RALGPS1: variants seen among roughly 807,000 people sequenced by gnomAD.
RALGPS1 encodes the protein ras-specific guanine nucleotide-releasing factor RalGPS1.
A neutral mutation model predicts 78.8 loss-of-function variants in RALGPS1; 19 were observed. That is an observed-to-expected ratio of 0.24 (90% CI 0.17 to 0.35). The LOEUF (loss-of-function observed/expected upper bound fraction) is 0.35. RALGPS1 is among the 10% of genes least tolerant of loss of function. RALGPS1 has a pLI of 1.00. For synonymous variants in RALGPS1, 228 were observed against 256.3 expected (o/e 0.89, Z 1.06); for missense variants, 454 against 688.3 (o/e 0.66, Z 3.81).
intron 1 of RALGPS1, among the ~76,000 whole-genome samples, chr9:126,957,340 C>G (rs192316731): frequency 1.3e-5 from 2 of 151,462 alleles, no homozygotes; most frequent in Admixed American, 6.6e-5. Flanking sequence ...CAAGGCCTCT[C>G]GTTTGGGCCA....
At chr9:127,101,907 A>AT (rs949240003) in intron 8 of RALGPS1, among the ~76,000 whole-genome samples, 15 of 151,578 alleles carry the variant, frequency 9.9e-5, no homozygotes, top group African/African-American at 1.9e-4. Context: ...AAAGTAACTT[A>AT]TTTTTTTTTA....
intron 8 of RALGPS1, among the ~76,000 whole-genome samples, chr9:127,144,067 G>A (rs1392934162): frequency 2.0e-5 from 3 of 152,202 alleles, no homozygotes; most frequent in African/African-American, 7.2e-5. Context: ...CGTTGTTGGT[G>A]CTGAAGCCTG....
intron 4 of RALGPS1, chr9:126,989,772 C>G (rs1360575596): frequency 7.3e-7 from 1 of 1,378,234 alleles, no homozygotes; most frequent in African/African-American, 1.5e-5. Context: ...AGATAAAATA[C>G]ATATTCCTGT....
chr9:127,103,425 G>C (rs534112580), intron 8 of RALGPS1, among the ~76,000 whole-genome samples: 21 of 152,324 alleles, frequency 1.4e-4, no homozygotes, highest in Non-Finnish European at 7.3e-5. Context: ...CATTTATACA[G>C]TCAGGGCTAA....
At chr9:127,092,051 C>A (rs1173548199) in intron 8 of RALGPS1, 16 of 1,366,258 alleles carry the variant, frequency 1.2e-5, no homozygotes, top group Non-Finnish European at 9.0e-6. Context: ...ACAAGCAGAG[C>A]ATGAAGCAGA....
intron 4 of RALGPS1, among the ~76,000 whole-genome samples, chr9:127,014,533 TG>T (rs908746321): frequency 2.0e-5 from 3 of 152,106 alleles, no homozygotes; most frequent in African/African-American, 7.2e-5. Flanking sequence ...TTAACTGGGA[TG>T]GGGGAGAAGA....
chr9:127,172,261 C>T lies in RALGPS1; in HGVS notation c.843-2454C>T, dbSNP rs114550844. ...CCTCCTTTGTTTCTCTCCCTCAGCA[C>T]TGCAGGCCGTGTGCCGTTGCCTCTG... On this transcript the variant is annotated intron_variant, in intron 10 of 18. Transcript: ENST00000259351. Among the ~76,000 whole-genome samples the T allele has an allele frequency of 7.5e-3, 1,147 of 152,356 alleles. 15 individuals are homozygous for T. Among genetic ancestry groups the T allele is most frequent in the African/African-American group, 0.027 (1,112 of 41,576 alleles).
chr9:126,953,100 T>C (rs1021083836), intron 1 of RALGPS1, among the ~76,000 whole-genome samples: 2 of 152,198 alleles, frequency 1.3e-5, no homozygotes, highest in African/African-American at 4.8e-5. Flanking sequence ...TTTCTTGGTT[T>C]CCTGAACCTG....
intron 7 of RALGPS1, among the ~76,000 whole-genome samples, chr9:127,054,995 T>TAGAGAGAG (rs1564495128): frequency 4.5e-5 from 3 of 66,078 alleles, no homozygotes; most frequent in Admixed American, 3.1e-4. Flanking sequence ...GAGAGATTGA[T>TAGAGAGAG]TGAGAGAGAG....
intron 4 of RALGPS1, among the ~76,000 whole-genome samples, chr9:127,028,435 T>C (rs2046142918): frequency 6.6e-6 from 1 of 152,234 alleles, no homozygotes; most frequent in Non-Finnish European, 1.5e-5. Flanking sequence ...TCTGTGAGGA[T>C]AAAATGAGAT....
intron 1 of RALGPS1, among the ~76,000 whole-genome samples, chr9:126,922,935 T>C (rs2034911495): frequency 6.6e-6 from 1 of 152,186 alleles, no homozygotes; most frequent in African/African-American, 2.4e-5. Context: ...AGAATATGCT[T>C]TCTAGGGTAA....
Position 127,091,923 on chromosome 9 carries a change from A to G in RALGPS1, c.610+22567A>G. The G allele has an allele frequency of 6.2e-7, 1 of 1,614,108 alleles. No individual in the cohort carries two copies. Among genetic ancestry groups the G allele is most frequent in the Non-Finnish European group, 8.5e-7 (1 of 1,180,010 alleles). On this transcript the variant is annotated intron_variant, in intron 8 of 18. Transcript: ENST00000259351. The surrounding 1 kb of genome is among the most constrained non-coding windows in gnomAD (Gnocchi z 4.3). ...CCAGGCCCAGCCAGTATTCGCCGTC[A>G]ATGTTCCCAAACCCTTGCTGGGGAA...
At chr9:127,179,051 C>G (rs1177209682) in intron 11 of RALGPS1, among the ~76,000 whole-genome samples, 1 of 152,254 alleles carries the variant, frequency 6.6e-6, no homozygotes, top group African/African-American at 2.4e-5. Context: ...GGCACCTGGT[C>G]CTCAGAGGCA....
chr9:127,078,027 C>T (rs941273651), intron 8 of RALGPS1, among the ~76,000 whole-genome samples: 1 of 152,202 alleles, frequency 6.6e-6, no homozygotes, highest in African/African-American at 2.4e-5. Flanking sequence ...CCCTCCCCAC[C>T]CCCAGCCCAG....
chr9:126,946,034 G>T (rs1020829335), intron 1 of RALGPS1, among the ~76,000 whole-genome samples: 1 of 152,178 alleles, frequency 6.6e-6, no homozygotes, highest in Admixed American at 6.5e-5. Flanking sequence ...GGGACGGGGC[G>T]CAGCAGGGAG....
rs116782593 is a variant in RALGPS1 at position 127,113,942 on chromosome 9, A to G, written c.610+44586A>G. 3.9e-3 allele frequency among the ~76,000 whole-genome samples: 595 copies of G among 152,348 alleles called. 5 individuals are homozygous for G. Among genetic ancestry groups the G allele is most frequent in the African/African-American group, 0.013 (561 of 41,584 alleles). ...TGGGAAGAGCTGTCATTTTCATCAG[A>G]TGGAGCTGTGTGTTCTGCCCTGCAG... On this transcript the variant is annotated intron_variant, in intron 8 of 18. Transcript: ENST00000259351.
chr9:127,217,482 C>T, intron 18 of RALGPS1: 5 of 969,412 alleles, frequency 5.2e-6, no homozygotes, highest in Non-Finnish European at 6.1e-6. Flanking sequence ...ATTTTCTGTT[C>T]TGTGGAACTG....
chr9:127,127,282 C>T (rs1165913694), intron 8 of RALGPS1, among the ~76,000 whole-genome samples: 2 of 152,168 alleles, frequency 1.3e-5, no homozygotes, highest in African/African-American at 4.8e-5. Flanking sequence ...TCCTTCTCCA[C>T]TGATTTCAAG....
chr9:127,174,858 G>A (rs2059765243), intron 11 of RALGPS1, 76 bp downstream of exon 11: 1 of 1,317,086 alleles, frequency 7.6e-7, no homozygotes, highest in Non-Finnish European at 1.1e-6. Context: ...CCTTGACCGG[G>A]GAGGCCAAGG....
Sources: gnomAD v4.1 joint callset for allele counts (sites outside exome capture counted in the v4.1 genomes callset) on GRCh38, gnomAD v4.1.1 for gene constraint, Gnocchi (gnomAD v3.1) non-coding constraint, MANE v1.5 for transcripts, NCBI Gene and HGNC (gene_info 2026-07-23, HGNC 2026-07-21) for gene names.